IGF1R: variants seen among roughly 807,000 people sequenced by gnomAD.
IGF1R encodes the protein insulin like growth factor 1 receptor.
Under a neutral mutation model 144.6 loss-of-function variants are expected in IGF1R, and 44 were observed. The observed-to-expected ratio is 0.30, with a 90% CI of 0.24 to 0.39. The LOEUF (loss-of-function observed/expected upper bound fraction) is 0.39, where lower values mean the gene tolerates loss of function less well. Ranked by LOEUF, IGF1R falls within the 10% of genes least tolerant of loss-of-function variation. The pLI is 1.00. For synonymous variants in IGF1R, 795 were observed against 722.8 expected, an observed-to-expected ratio of 1.10 and a Z score of -1.60; for missense variants, 1,355 against 1,833.7, an observed-to-expected ratio of 0.74 and a Z score of 4.77.
intron 2 of IGF1R, among the ~76,000 whole-genome samples, chr15:98,874,538 G>C (rs1230351305): frequency 4.6e-5 from 7 of 152,174 alleles, no homozygotes; most frequent in Non-Finnish European, 8.8e-5. Context: ...TGGGGACATC[G>C]TGATGTGACA....
intron 2 of IGF1R, among the ~76,000 whole-genome samples, chr15:98,814,573 T>C (rs879727935): frequency 1.5e-4 from 23 of 152,312 alleles, no homozygotes; most frequent in Non-Finnish European, 2.4e-4. Context: ...GTCTCAGACT[T>C]CTGGCCTCAA....
At chr15:98,771,960 T>C (rs1467163412) in intron 2 of IGF1R, among the ~76,000 whole-genome samples, 1 of 151,674 alleles carries the variant, frequency 6.6e-6, no homozygotes, top group African/African-American at 2.4e-5. Flanking sequence ...AGCATGAGAG[T>C]AGCTTAAATG....
intron 2 of IGF1R, among the ~76,000 whole-genome samples, chr15:98,778,649 T>C (rs929599973): frequency 1.3e-5 from 2 of 152,198 alleles, no homozygotes; most frequent in African/African-American, 4.8e-5. Flanking sequence ...GGCCCATAGC[T>C]CTCTATCTTG....
At chr15:98,829,992 A>G (rs2056971023) in intron 2 of IGF1R, among the ~76,000 whole-genome samples, 1 of 152,226 alleles carries the variant, frequency 6.6e-6, no homozygotes, top group Non-Finnish European at 1.5e-5. Flanking sequence ...AATGTCCACC[A>G]TTAGTATGTT....
chr15:98,894,315 C>G (rs1363957934), intron 3 of IGF1R, among the ~76,000 whole-genome samples: 3 of 152,150 alleles, frequency 2.0e-5, no homozygotes, highest in Non-Finnish European at 4.4e-5. Context: ...AGTTGTAACC[C>G]TGGATATTTA....
chr15:98,691,099 C>A (rs749047821), intron 1 of IGF1R, among the ~76,000 whole-genome samples: 11 of 152,170 alleles, frequency 7.2e-5, no homozygotes, highest in Non-Finnish European at 1.5e-4. Flanking sequence ...AGCTAAGGAA[C>A]CAGCATTAGT....
At position 98,854,176 on chromosome 15, in the gene IGF1R, C is replaced by T. The variant is rs867119023; in HGVS notation, c.641-37149C>T. Reference sequence around the variant, plus strand: ...CTGGTGCAGAGTTTTGCCCCGGGGCCATGAGGTTCTGGGCATCATGACTCT... The same window carrying T: ...CTGGTGCAGAGTTTTGCCCCGGGGCTATGAGGTTCTGGGCATCATGACTCT... On this transcript the variant is annotated intron_variant, in intron 2 of 20. Coordinates refer to ENST00000650285, the MANE Select transcript of IGF1R (RefSeq NM_000875.5). Among the ~76,000 whole-genome samples, 9 of 152,138 alleles carry T rather than the reference C, an allele frequency of 5.9e-5. No homozygotes were observed. The South Asian group carries it at 1.2e-3, about 21-fold the overall frequency.
In IGF1R at chr15:98,916,701, G is replaced by A. The variant is rs986450031; in HGVS notation, c.2026G>A (p.Gly676Ser). ...DKIPIRKYAD[G>S]TIDIEEVTEN... Reference sequence around the variant, plus strand: ...AATCCCCATCAGGAAGTATGCCGACGGCACCATCGACATTGAGGAGGTCAC... The same window carrying A: ...AATCCCCATCAGGAAGTATGCCGACAGCACCATCGACATTGAGGAGGTCAC... The change falls in exon 10 of 21, where the codon GGC becomes AGC. Residue 676 changes from glycine (G) to serine (S), a missense_variant. This residue lies in a region of IGF1R where 880 missense variants were observed against 1,202.7 expected (regional missense o/e 0.73). Transcript: ENST00000650285. 30 of 1,613,942 alleles carry A rather than the reference G, an allele frequency of 1.9e-5. No individual in the cohort carries two copies. The highest frequency in any genetic ancestry group is 1.2e-4 in the South Asian group (11 of 91,064).
intron 2 of IGF1R, among the ~76,000 whole-genome samples, chr15:98,874,440 A>G (rs1305862282): frequency 6.6e-5 from 10 of 152,192 alleles, no homozygotes; most frequent in Admixed American, 6.5e-4. Flanking sequence ...AACATTTCCA[A>G]CAGTATTAAA....
chr15:98,783,266 A>G (rs1644536624), intron 2 of IGF1R, among the ~76,000 whole-genome samples: 1 of 152,222 alleles, frequency 6.6e-6, no homozygotes, highest in Non-Finnish European at 1.5e-5. Flanking sequence ...TTAATATAGT[A>G]AGGATATATG....
chr15:98,924,654 G>C lies in IGF1R; in HGVS notation c.2752G>C (p.Asp918His). The change falls in exon 13 of 21, where the codon GAT (aspartate) becomes CAT (histidine). Residue 918 changes from aspartate (D) to histidine (H), a missense_variant. Physicochemically the swap from Asp to His is moderately conservative, Grantham distance 81. Transcript: ENST00000650285. Reference sequence around the variant, plus strand: ...TCTCTCTGGGAATGGGTCGTGGACAGATCCTGTGTTCTTCTATGTCCAGGC... The same window carrying C: ...TCTCTCTGGGAATGGGTCGTGGACACATCCTGTGTTCTTCTATGTCCAGGC... ...TSLSGNGSWTDPVFFYVQAKT... is the reference protein window; with the variant it reads ...TSLSGNGSWTHPVFFYVQAKT... 2 of 1,614,208 alleles carry C rather than the reference G, an allele frequency of 1.2e-6. No homozygotes were observed. The highest frequency in any genetic ancestry group is 1.3e-5 in the African/African-American group (1 of 75,056).
chr15:98,795,392 TTC>T (rs887326214), intron 2 of IGF1R, among the ~76,000 whole-genome samples: 6 of 151,810 alleles, frequency 4.0e-5, no homozygotes, highest in African/African-American at 1.5e-4. Context: ...TATTATGTGT[TTC>T]TTTCTTGTTT....
intron 2 of IGF1R, among the ~76,000 whole-genome samples, chr15:98,737,378 C>T (rs1362711025): frequency 2.0e-5 from 3 of 152,066 alleles, no homozygotes; most frequent in South Asian, 2.1e-4. Flanking sequence ...AGGAACCGAG[C>T]GAGGATTTGG....
At chr15:98,856,274 G>A (rs753931500) in intron 2 of IGF1R, among the ~76,000 whole-genome samples, 2 of 152,242 alleles carry the variant, frequency 1.3e-5, no homozygotes, top group Non-Finnish European at 2.9e-5. Flanking sequence ...CCTGATTAAA[G>A]CAGGAATTGT....
intron 1 of IGF1R, among the ~76,000 whole-genome samples, chr15:98,677,460 G>C (rs1567070932): frequency 6.6e-6 from 1 of 152,152 alleles, no homozygotes; most frequent in Non-Finnish European, 1.5e-5. Context: ...ACCATCAGTT[G>C]TGTGTCACTT....
intron 2 of IGF1R, among the ~76,000 whole-genome samples, chr15:98,753,567 C>A (rs1191444122): frequency 1.3e-5 from 2 of 151,040 alleles, no homozygotes; most frequent in Non-Finnish European, 2.9e-5. Flanking sequence ...AATTCCTGCT[C>A]TTCAAGGAGA....
intron 8 of IGF1R, 121 bp from the exon 9 acceptor site, chr15:98,915,843 T>C (rs916645615): frequency 3.4e-6 from 3 of 878,990 alleles, no homozygotes; most frequent in Non-Finnish European, 3.9e-6. Context: ...TATTTCATTG[T>C]TCATTGTTAT....
chr15:98,658,835 A>G (rs753247813), intron 1 of IGF1R, among the ~76,000 whole-genome samples: 3 of 152,238 alleles, frequency 2.0e-5, no homozygotes, highest in Non-Finnish European at 4.4e-5. Flanking sequence ...CATGGAGCCA[A>G]AGTGGCTGGT....
At position 98,935,616 on chromosome 15, in the gene IGF1R, G is replaced by C. The variant is rs552970244; in HGVS notation, c.3297+190G>C. 6.6e-6 allele frequency among the ~76,000 whole-genome samples: 1 copy of C among 152,084 alleles called. No individual in the cohort carries two copies. The highest frequency in any genetic ancestry group is 1.5e-5 in the Non-Finnish European group (1 of 68,022). ...CAACTAGAGTCAGACTCTGATCTTC[G>C]TGAGGGGAACTTCCTGTTCCTTGGA... On this transcript the variant is annotated intron_variant, in intron 17 of 20. Transcript: ENST00000650285. This position sits in a 1 kb window ranked among gnomAD's most constrained non-coding sequence, Gnocchi z 4.2.
Sources: gnomAD v4.1 joint callset for allele counts (sites outside exome capture counted in the v4.1 genomes callset) on GRCh38, gnomAD v4.1.1 for gene constraint, gnomAD v4.1.1 regional missense constraint, Gnocchi (gnomAD v3.1) non-coding constraint, MANE v1.5 for transcripts, NCBI Gene and HGNC (gene_info 2026-07-23, HGNC 2026-07-21) for gene names.